Variants in TRPM3 observed in about 807,000 individuals in gnomAD.
TRPM3 encodes the protein transient receptor potential cation channel subfamily M member 3, also known as long transient receptor potential channel 3.
In TRPM3, 77 loss-of-function variants were observed where a neutral mutation model predicts 181.2. The observed-to-expected ratio is 0.42, with a 90% CI of 0.35 to 0.51. TRPM3 has a LOEUF of 0.51. TRPM3 is among the 20% of genes least tolerant of loss of function. The pLI is 0.01. For missense variants in TRPM3, 1,759 were observed against 2,196.7 expected (o/e 0.80, Z 3.98); for synonymous variants, 745 against 796.4 (o/e 0.94, Z 1.09).
rs113743837 is a variant in TRPM3, at chr9:70,575,629, A to G, written c.3223+15402T>C. Among the ~76,000 whole-genome samples the G allele has an allele frequency of 6.2e-3, 940 of 152,214 alleles. 12 individuals carry two copies. Among genetic ancestry groups the G allele is most frequent in the African/African-American group, 0.021 (882 of 41,512 alleles). On this transcript the variant is annotated intron_variant, in intron 22 of 25. Transcript: ENST00000677713. ...ATTTGGGCTTATCATATTCATTTGG[A>G]AAAAAAATGCTCTTTTTCTGGGCTG...
At chr9:71,165,772 T>C (rs1318790289) in intron 1 of TRPM3, among the ~76,000 whole-genome samples, 1 of 152,160 alleles carries the variant, frequency 6.6e-6, no homozygotes, top group African/African-American at 2.4e-5. Flanking sequence ...AGGATACTCA[T>C]TTACAGCCAT....
intron 6 of TRPM3, among the ~76,000 whole-genome samples, chr9:70,786,311 C>A (rs1220809331): frequency 5.3e-4 from 29 of 54,462 alleles, no homozygotes; most frequent in East Asian, 1.0e-3. Flanking sequence ...CTAAAAATAC[C>A]AAAAAAAAAA....
At chr9:70,610,426 C>T (rs2061833796) in intron 19 of TRPM3, among the ~76,000 whole-genome samples, 183 bp downstream of exon 19, 1 of 152,180 alleles carries the variant, frequency 6.6e-6, no homozygotes, top group Admixed American at 6.5e-5. Flanking sequence ...CAAAATGTGG[C>T]CTGTGAAAGC....
At chr9:70,559,430 T>C (rs2048520000) in intron 22 of TRPM3, among the ~76,000 whole-genome samples, 1 of 152,222 alleles carries the variant, frequency 6.6e-6, no homozygotes, top group Non-Finnish European at 1.5e-5. Context: ...TTTTTTGGTT[T>C]TTGGTTTTTG....
intron 1 of TRPM3, among the ~76,000 whole-genome samples, chr9:71,044,259 T>A (rs998300107): frequency 6.6e-6 from 1 of 152,256 alleles, no homozygotes; most frequent in South Asian, 2.1e-4. Context: ...CCATGGACTC[T>A]TAAAAGAAAA....
chr9:70,682,209 G>C (rs1466730859), intron 8 of TRPM3, among the ~76,000 whole-genome samples: 4 of 151,964 alleles, frequency 2.6e-5, no homozygotes, highest in Admixed American at 6.6e-5. Flanking sequence ...TATGAGTCAG[G>C]CATAGCAATG....
chr9:71,048,025 C>G (rs147609446), intron 1 of TRPM3, among the ~76,000 whole-genome samples: 1 of 152,250 alleles, frequency 6.6e-6, no homozygotes, highest in East Asian at 1.9e-4. Flanking sequence ...TTATTTTCTA[C>G]TCTGGTCATA....
intron 1 of TRPM3, among the ~76,000 whole-genome samples, chr9:71,368,709 A>G (rs1344502140): frequency 6.6e-6 from 1 of 152,246 alleles, no homozygotes; most frequent in African/African-American, 2.4e-5. Flanking sequence ...AGGTGAAAAA[A>G]TAACATGTGT....
intron 1 of TRPM3, among the ~76,000 whole-genome samples, chr9:71,310,728 T>C (rs2087847190): frequency 6.6e-6 from 1 of 152,098 alleles, no homozygotes; most frequent in Non-Finnish European, 1.5e-5. Context: ...CTTTGGCTAA[T>C]ACAAATCAGT....
chr9:70,633,865 G>A lies in TRPM3; in HGVS notation c.1632+1346C>T, dbSNP rs549988816. Among the ~76,000 whole-genome samples the A allele has an allele frequency of 6.1e-4, 93 of 152,276 alleles. 1 individual carries two copies. Among genetic ancestry groups the A allele is most frequent in the African/African-American group, 1.9e-3 (81 of 41,542 alleles). On this transcript the variant is annotated intron_variant, in intron 12 of 25. Transcript: ENST00000677713. The stretch of plus-strand genomic sequence containing the variant: ...TGGTGAAGAATTGTTACCAAGTGGC[G>A]ATAGTGGGCAAATGTGTGCATACAT...
chr9:71,116,848 G>A (rs2072502237), intron 1 of TRPM3, among the ~76,000 whole-genome samples: 1 of 152,134 alleles, frequency 6.6e-6, no homozygotes, highest in South Asian at 2.1e-4. Flanking sequence ...AATAGTATTT[G>A]CTTCAAAGAA....
At chr9:71,232,471 A>T (rs570503168) in intron 1 of TRPM3, among the ~76,000 whole-genome samples, 1 of 147,846 alleles carries the variant, frequency 6.8e-6, no homozygotes, top group Non-Finnish European at 1.5e-5. Context: ...TCTAACGCAC[A>T]TGGAAATTGA....
chr9:70,951,843 A>G (rs984022382), intron 1 of TRPM3, among the ~76,000 whole-genome samples: 1 of 152,230 alleles, frequency 6.6e-6, no homozygotes. Flanking sequence ...AAGAAGCCAT[A>G]TCGAGTCACT....
At chr9:71,247,040 C>A (rs1294185463) in intron 1 of TRPM3, among the ~76,000 whole-genome samples, 1 of 152,130 alleles carries the variant, frequency 6.6e-6, no homozygotes, top group Non-Finnish European at 1.5e-5. Flanking sequence ...TAGCAAAGGA[C>A]AACAGTGGCA....
chr9:71,322,869 G>T (rs2089366597), intron 1 of TRPM3, among the ~76,000 whole-genome samples: 1 of 152,016 alleles, frequency 6.6e-6, no homozygotes, highest in Non-Finnish European at 1.5e-5. Context: ...TAAGTACTTT[G>T]ACTTGATAAA....
rs7862440 is a variant in TRPM3, at chr9:70,846,421, T to A, written c.633A>T (p.Ala211=). 0.57 allele frequency: 921,529 copies of A among 1,613,660 alleles called. 266,232 individuals carry two copies. Among genetic ancestry groups the A allele is most frequent in the Non-Finnish European group, 0.58 (686,054 of 1,179,834 alleles). The change falls in exon 4 of 26, where the codon GCA becomes GCT. Residue 211 remains alanine, a synonymous_variant. Coordinates refer to ENST00000677713, the MANE Select transcript of TRPM3 (RefSeq NM_001366145.2). ...TGAATATCCACGCTCCAGTTGTCAT[T>A]GCTGCTTTGATGAGCCCTTTCCCAA... is the stretch of plus-strand genomic sequence containing the variant. The part of the protein sequence containing the change: ...QVFGKGLIKA[A]MTTGAWIFTG...
At chr9:70,906,760 G>C (rs1380970421) in intron 1 of TRPM3, among the ~76,000 whole-genome samples, 1 of 152,056 alleles carries the variant, frequency 6.6e-6, no homozygotes, top group Non-Finnish European at 1.5e-5. Context: ...AAAAATAGCT[G>C]GGCGCGGTGG....
chr9:70,770,606 G>T (rs2080038311), intron 7 of TRPM3, among the ~76,000 whole-genome samples: 1 of 152,128 alleles, frequency 6.6e-6, no homozygotes, highest in Non-Finnish European at 1.5e-5. Flanking sequence ...TGGTGCCTTT[G>T]GCTGTAATAC....
At chr9:71,212,866 T>TGTAC (rs1475197452) in intron 1 of TRPM3, among the ~76,000 whole-genome samples, 1 of 152,068 alleles carries the variant, frequency 6.6e-6, no homozygotes, top group Non-Finnish European at 1.5e-5. Context: ...TATGTATGTA[T>TGTAC]GTATGTATTA....
Sources: allele counts gnomAD v4.1 joint callset (sites outside exome capture counted in the v4.1 genomes callset), GRCh38; gene constraint gnomAD v4.1.1; transcripts MANE v1.5; gene names NCBI Gene and HGNC (gene_info 2026-07-23, HGNC 2026-07-21).